Variants in IQCM observed in about 807,000 individuals in gnomAD.
IQCM encodes IQ domain-containing protein M.
In IQCM, 45 loss-of-function variants were observed where a neutral mutation model predicts 57.6. The ratio of observed to expected loss-of-function variants is 0.78; its 90% confidence interval spans 0.62 to 1.00. The LOEUF (loss-of-function observed/expected upper bound fraction) is 1.00, where lower values mean the gene tolerates loss of function less well. Among genes scored for constraint, IQCM ranks in the 50% least tolerant of loss-of-function variants. The pLI is 0.00. For missense variants in IQCM, 468 were observed against 511.6 expected (o/e 0.91, Z 0.82); for synonymous variants, 148 against 158.9 (o/e 0.93, Z 0.51).
At chr4:149,403,108 G>T (rs1732734373) in intron 13 of IQCM, among the ~76,000 whole-genome samples, 1 of 151,918 alleles carries the variant, frequency 6.6e-6, no homozygotes, top group African/African-American at 2.4e-5. Flanking sequence ...TTAAGTGAAT[G>T]AAATATTTTG....
intron 2 of IQCM, among the ~76,000 whole-genome samples, chr4:149,765,989 G>A (rs149573161): frequency 1.3e-5 from 2 of 151,996 alleles, no homozygotes; most frequent in African/African-American, 4.8e-5. Context: ...CCCCCTGCCC[G>A]CCAAATTATC....
intron 7 of IQCM, among the ~76,000 whole-genome samples, chr4:149,679,591 C>G (rs113248478): frequency 4.0e-5 from 6 of 151,280 alleles, no homozygotes; most frequent in African/African-American, 1.4e-4. Flanking sequence ...TTGATCTTTA[C>G]AAATTACATG....
chr4:149,619,501 T>TA (rs1414866854), intron 8 of IQCM, among the ~76,000 whole-genome samples: 1 of 151,920 alleles, frequency 6.6e-6, no homozygotes, highest in Non-Finnish European at 1.5e-5. Flanking sequence ...ACATTAGAAA[T>TA]AAAAAAATTA....
At chr4:149,575,287 G>A (rs1185729537) in intron 9 of IQCM, among the ~76,000 whole-genome samples, 1 of 151,858 alleles carries the variant, frequency 6.6e-6, no homozygotes, top group Non-Finnish European at 1.5e-5. Context: ...CAGCATGGGT[G>A]ATATAGATTT....
intron 13 of IQCM, among the ~76,000 whole-genome samples, chr4:149,386,391 G>T (rs1345844783): frequency 6.6e-6 from 1 of 152,164 alleles, no homozygotes; most frequent in East Asian, 1.9e-4. Flanking sequence ...ACATAGATCA[G>T]TTATCAATAT....
At chr4:149,486,195 C>G (rs898315240) in intron 12 of IQCM, among the ~76,000 whole-genome samples, 1 of 152,110 alleles carries the variant, frequency 6.6e-6, no homozygotes, top group Admixed American at 6.6e-5. Context: ...CAAGGCCCTT[C>G]TCTTCAGGGC....
chr4:149,618,869 T>C (rs955105952), intron 8 of IQCM, among the ~76,000 whole-genome samples: 1 of 152,208 alleles, frequency 6.6e-6, no homozygotes, highest in African/African-American at 2.4e-5. Context: ...GGAACACTTA[T>C]ACAGTTAGTG....
At chr4:149,459,042 A>G (rs1033982366) in intron 12 of IQCM, among the ~76,000 whole-genome samples, 1 of 152,338 alleles carries the variant, frequency 6.6e-6, no homozygotes, top group African/African-American at 2.4e-5. Context: ...TCCCTGCCTG[A>G]GGCTTTCAAA....
chr4:149,436,635 C>G (rs1735389286), intron 12 of IQCM, among the ~76,000 whole-genome samples: 1 of 152,026 alleles, frequency 6.6e-6, no homozygotes, highest in Admixed American at 6.6e-5. Context: ...CTTTATATTT[C>G]ATTACACATG....
chr4:149,572,005 C>A (rs1456153222), intron 9 of IQCM, among the ~76,000 whole-genome samples: 1 of 151,990 alleles, frequency 6.6e-6, no homozygotes, highest in Non-Finnish European at 1.5e-5. Flanking sequence ...TCCAAAATAA[C>A]TAGAATCTCT....
chr4:149,663,920 C>T (rs932644643), intron 7 of IQCM, among the ~76,000 whole-genome samples: 5 of 152,024 alleles, frequency 3.3e-5, no homozygotes, highest in African/African-American at 7.2e-5. Flanking sequence ...GTTTTATGTA[C>T]CCTTCTCCAT....
rs114742757 is a variant in IQCM, at chr4:149,480,788, T to C, written c.1229-47231A>G. Among the ~76,000 whole-genome samples, 493 of 152,314 alleles carry C rather than the reference T, an allele frequency of 3.2e-3. 4 individuals carry two copies. Among genetic ancestry groups the C allele is most frequent in the African/African-American group, 0.011 (471 of 41,590 alleles). ...TTGGGTATGTACCCAGCAGTGGGAA[T>C]GCTGGATCCTATAGTAACTCTATTT... On this transcript the variant is annotated intron_variant, in intron 12 of 13. Coordinates refer to ENST00000636793, the MANE Select transcript of IQCM (RefSeq NM_001363507.2).
chr4:149,670,926 G>T (rs189139120), intron 7 of IQCM, among the ~76,000 whole-genome samples: 19 of 148,064 alleles, frequency 1.3e-4, no homozygotes, highest in African/African-American at 4.6e-4. Flanking sequence ...AGGGATATTG[G>T]TCTAAAATTC....
chr4:149,391,119 C>A (rs1731822035), intron 13 of IQCM, among the ~76,000 whole-genome samples: 1 of 151,886 alleles, frequency 6.6e-6, no homozygotes, highest in African/African-American at 2.4e-5. Flanking sequence ...ATGAAGCTTT[C>A]TGGACCTGGG....
chr4:149,660,360 A>C (rs1319567254), intron 7 of IQCM, among the ~76,000 whole-genome samples: 3 of 152,210 alleles, frequency 2.0e-5, no homozygotes, highest in Non-Finnish European at 4.4e-5. Context: ...ATGGAGAAAT[A>C]GGAACACTTT....
intron 12 of IQCM, among the ~76,000 whole-genome samples, chr4:149,536,014 G>C (rs1371846142): frequency 6.6e-6 from 1 of 151,938 alleles, no homozygotes; most frequent in African/African-American, 2.4e-5. Context: ...AGAATTGTAG[G>C]AACAGCTGCC....
chr4:149,404,194 G>T (rs1415509836), intron 13 of IQCM, among the ~76,000 whole-genome samples: 2 of 152,006 alleles, frequency 1.3e-5, no homozygotes, highest in Non-Finnish European at 2.9e-5. Flanking sequence ...ACTCAGGTAT[G>T]TATCCAGATT....
intron 5 of IQCM, among the ~76,000 whole-genome samples, chr4:149,723,965 T>G (rs1765674862): frequency 6.6e-6 from 1 of 151,858 alleles, no homozygotes; most frequent in Non-Finnish European, 1.5e-5. Flanking sequence ...ACTGATTAAA[T>G]TTCATTGCTT....
intron 12 of IQCM, among the ~76,000 whole-genome samples, chr4:149,460,388 T>A (rs1439231815): frequency 6.6e-6 from 1 of 152,190 alleles, no homozygotes; most frequent in African/African-American, 2.4e-5. Flanking sequence ...GTTGATAGTG[T>A]CTACCCATTA....
Sources: gnomAD v4.1 joint callset for allele counts (sites outside exome capture counted in the v4.1 genomes callset) on GRCh38, gnomAD v4.1.1 for gene constraint, MANE v1.5 for transcripts, NCBI Gene and HGNC (gene_info 2026-07-23, HGNC 2026-07-21) for gene names.